Variants in HS3ST5 observed in about 807,000 individuals in gnomAD.
HS3ST5 encodes the protein heparan sulfate glucosamine 3-O-sulfotransferase 5.
HS3ST5 carries 10 observed loss-of-function variants against 25.4 expected under a neutral mutation model. The ratio of observed to expected loss-of-function variants is 0.39; its 90% CI spans 0.24 to 0.67. HS3ST5 has a LOEUF of 0.67. Among genes scored for constraint, HS3ST5 ranks in the 30% least tolerant of loss-of-function variants. HS3ST5 has a pLI of 0.44. For synonymous variants in HS3ST5, 170 were observed against 162.4 expected (o/e 1.05, Z -0.36); for missense variants, 324 against 420.7 (o/e 0.77, Z 2.01).
At chr6:114,310,530 T>C (rs1186117207) in intron 1 of HS3ST5, among the ~76,000 whole-genome samples, 1 of 152,092 alleles carries the variant, frequency 6.6e-6, no homozygotes, top group Non-Finnish European at 1.5e-5. Context: ...CAAATAGCTT[T>C]TTTTTTTTCC....
At chr6:114,165,307 C>T (rs1161128545) in intron 3 of HS3ST5, among the ~76,000 whole-genome samples, 1 of 152,180 alleles carries the variant, frequency 6.6e-6, no homozygotes, top group Non-Finnish European at 1.5e-5. Flanking sequence ...AACTGCACAG[C>T]ATCGGGTCAG....
intron 1 of HS3ST5, among the ~76,000 whole-genome samples, chr6:114,334,549 A>G (rs1187915610): frequency 6.6e-6 from 1 of 152,192 alleles, no homozygotes; most frequent in Admixed American, 6.5e-5. Flanking sequence ...AGATTACACT[A>G]TTATGTCTTT....
intron 1 of HS3ST5, among the ~76,000 whole-genome samples, chr6:114,284,371 C>CT (rs1215668508): frequency 1.3e-5 from 2 of 151,838 alleles, no homozygotes; most frequent in Non-Finnish European, 2.9e-5. Flanking sequence ...TTTTTTTAAA[C>CT]TTTTTTTGTG....
intron 1 of HS3ST5, among the ~76,000 whole-genome samples, chr6:114,304,870 G>T (rs1019792442): frequency 2.3e-4 from 35 of 152,024 alleles, no homozygotes; most frequent in Non-Finnish European, 4.6e-4. Flanking sequence ...AAGATGTTTT[G>T]GTTGATGTAT....
intron 2 of HS3ST5, among the ~76,000 whole-genome samples, chr6:114,207,460 T>C (rs937747416): frequency 3.9e-5 from 6 of 152,166 alleles, no homozygotes; most frequent in Non-Finnish European, 8.8e-5. Flanking sequence ...CAGCACTTCA[T>C]TATAAATAGA....
At chr6:114,328,839 T>G (rs547581585) in intron 1 of HS3ST5, among the ~76,000 whole-genome samples, 147 of 152,350 alleles carry the variant, frequency 9.6e-4, no homozygotes, top group African/African-American at 3.5e-3. Flanking sequence ...GCAAGGTGAC[T>G]GCTTACTTCC....
At chr6:114,330,199 T>A (rs1776337975) in intron 1 of HS3ST5, among the ~76,000 whole-genome samples, 1 of 152,138 alleles carries the variant, frequency 6.6e-6, no homozygotes, top group Non-Finnish European at 1.5e-5. Flanking sequence ...TAGACACCTT[T>A]AAAAAGTAGG....
chr6:114,163,174 AT>A (rs1483783240), intron 3 of HS3ST5, among the ~76,000 whole-genome samples: 1 of 152,178 alleles, frequency 6.6e-6, no homozygotes, highest in Non-Finnish European at 1.5e-5. Flanking sequence ...CCTGAGTTTA[AT>A]AAATTCTCTT....
chr6:114,109,318 G>A (rs896914897), intron 3 of HS3ST5, among the ~76,000 whole-genome samples: 1 of 152,056 alleles, frequency 6.6e-6, no homozygotes, highest in African/African-American at 2.4e-5. Context: ...CATACCAAGA[G>A]CAAAATTGCT....
chr6:114,084,184 G>A (rs919326275), intron 3 of HS3ST5: 4 of 1,000,602 alleles, frequency 4.0e-6, no homozygotes, highest in African/African-American at 1.6e-5. Flanking sequence ...CCATTAAGTG[G>A]TTGCTCCTAT....
chr6:114,119,125 G>A (rs17191369), intron 3 of HS3ST5, among the ~76,000 whole-genome samples: 21,531 of 152,216 alleles, frequency 0.14, 1,573 homozygotes, highest in Middle Eastern at 0.21. Context: ...GAATAGCAAA[G>A]CATAAGAAGA....
At chr6:114,130,888 A>T (rs566533740) in intron 3 of HS3ST5, among the ~76,000 whole-genome samples, 19 of 152,222 alleles carry the variant, frequency 1.2e-4, no homozygotes, top group East Asian at 7.7e-4. Flanking sequence ...AAAAAATTTT[A>T]AAATTAGCTG....
intron 2 of HS3ST5, among the ~76,000 whole-genome samples, chr6:114,197,409 T>C (rs1364816533): frequency 6.6e-6 from 1 of 152,184 alleles, no homozygotes; most frequent in Non-Finnish European, 1.5e-5. Flanking sequence ...TATTCTTACA[T>C]ATTTATCCTC....
intron 2 of HS3ST5, among the ~76,000 whole-genome samples, chr6:114,196,539 C>T (rs1313961595): frequency 6.6e-6 from 1 of 151,968 alleles, no homozygotes; most frequent in East Asian, 1.9e-4. Context: ...TGCCCAAATT[C>T]TAATGACAAA....
chr6:114,238,852 C>G (rs187799084), intron 1 of HS3ST5: 5 of 152,314 alleles, frequency 3.3e-5, no homozygotes, highest in East Asian at 3.9e-4. Flanking sequence ...TTTTCAACTC[C>G]ATGCTCTGCC....
intron 1 of HS3ST5, among the ~76,000 whole-genome samples, chr6:114,299,491 C>T (rs1247888521): frequency 6.6e-6 from 1 of 152,134 alleles, no homozygotes; most frequent in African/African-American, 2.4e-5. Context: ...TTGAAAATCC[C>T]TAATAAAAAC....
intron 3 of HS3ST5, among the ~76,000 whole-genome samples, chr6:114,167,995 G>T (rs1779296875): frequency 6.6e-6 from 1 of 152,098 alleles, no homozygotes; most frequent in South Asian, 2.1e-4. Flanking sequence ...AAGGATCTCT[G>T]TGTTTAGGAA....
intron 3 of HS3ST5, among the ~76,000 whole-genome samples, chr6:114,163,121 TGTG>T (rs1193757165): frequency 6.6e-6 from 1 of 152,202 alleles, no homozygotes; most frequent in Non-Finnish European, 1.5e-5. Flanking sequence ...ATTTGTGACT[TGTG>T]GTATTTCAGA....
In HS3ST5 at chr6:114,203,349, C is replaced by T. The variant is rs371363310; in HGVS notation, c.-145+25236G>A. 7.8e-4 allele frequency among the ~76,000 whole-genome samples: 119 copies of T among 152,226 alleles called. 1 individual carries two copies. The highest frequency in any genetic ancestry group is 3.4e-3 in the Middle Eastern group (1 of 294). ...TAACAGTTCCTTCCTGAAATTAACT[C>T]CCTCCTTGCTTGGAGACTGAACCGC... On this transcript the variant is annotated intron_variant, in intron 2 of 4. Coordinates refer to ENST00000312719, the MANE Select transcript of HS3ST5 (RefSeq NM_153612.4).
Sources: allele counts gnomAD v4.1 joint callset (sites outside exome capture counted in the v4.1 genomes callset), GRCh38; gene constraint gnomAD v4.1.1; transcripts MANE v1.5; gene names NCBI Gene and HGNC (gene_info 2026-07-23, HGNC 2026-07-21).